Variants in LDB2 observed in about 807,000 individuals in gnomAD.
LDB2 encodes LIM domain-binding protein 2.
LDB2 carries 12 observed loss-of-function variants against 44.3 expected under a neutral mutation model. That is an observed-to-expected ratio of 0.27 (90% CI 0.17 to 0.44). LDB2 has a LOEUF of 0.44. Among genes scored for constraint, LDB2 ranks in the 20% least tolerant of loss-of-function variants. The pLI is 1.00. For missense variants in LDB2, 344 were observed against 473.5 expected (o/e 0.73, Z 2.54); for synonymous variants, 164 against 174.8 (o/e 0.94, Z 0.49).
At chr4:16,771,902 C>T (rs1465520011) in intron 1 of LDB2, among the ~76,000 whole-genome samples, 2 of 152,182 alleles carry the variant, frequency 1.3e-5, no homozygotes, top group Admixed American at 6.5e-5. Context: ...AGATTGTGAC[C>T]CTCCCAGCTA....
chr4:16,782,002 A>G (rs904348694), intron 1 of LDB2, among the ~76,000 whole-genome samples: 4 of 152,218 alleles, frequency 2.6e-5, no homozygotes, highest in Non-Finnish European at 5.9e-5. Flanking sequence ...AGACTCCAGA[A>G]CTGCGAGAGA....
chr4:16,848,267 T>C lies in LDB2; in HGVS notation c.132+50087A>G, dbSNP rs555504482. ...CATTCTAAATTAAGGCTATGTAACATGGTTCTGTACACAGATGAAAAGCTC... is the reference window on the plus strand; with the variant it reads ...CATTCTAAATTAAGGCTATGTAACACGGTTCTGTACACAGATGAAAAGCTC... On this transcript the variant is annotated intron_variant, in intron 1 of 7. Transcript: ENST00000304523. Among the ~76,000 whole-genome samples the C allele has an allele frequency of 2.0e-5, 3 of 152,348 alleles. No individual in the cohort carries two copies. In the East Asian group the frequency reaches 5.8e-4, roughly 29 times the overall value.
At chr4:16,682,181 C>A (rs1748111644) in intron 2 of LDB2, among the ~76,000 whole-genome samples, 1 of 152,104 alleles carries the variant, frequency 6.6e-6, no homozygotes, top group Non-Finnish European at 1.5e-5. Flanking sequence ...TGTTCTCACA[C>A]TGTAATAATT....
At chr4:16,774,153 C>CAAA (rs35866468) in intron 1 of LDB2, among the ~76,000 whole-genome samples, 10 of 56,040 alleles carry the variant, frequency 1.8e-4, no homozygotes, top group South Asian at 1.8e-3. Flanking sequence ...GACTCCGTCT[C>CAAA]AAAAAAAAAA....
chr4:16,559,922 C>T (rs1378789244), intron 5 of LDB2, among the ~76,000 whole-genome samples: 1 of 152,182 alleles, frequency 6.6e-6, no homozygotes, highest in Non-Finnish European at 1.5e-5. Flanking sequence ...TCACTCAAAA[C>T]CGCTCAACTA....
chr4:16,837,345 A>G (rs540352381), intron 1 of LDB2, among the ~76,000 whole-genome samples: 1 of 152,332 alleles, frequency 6.6e-6, no homozygotes, highest in African/African-American at 2.4e-5. Flanking sequence ...GACACATATT[A>G]GAGACTAAAT....
Position 16,612,740 on chromosome 4 carries a change from C to T in LDB2, c.236-16865G>A, listed in dbSNP as rs922415198. Among the ~76,000 whole-genome samples, 4 of 152,092 alleles carry T rather than the reference C, an allele frequency of 2.6e-5. No individual in the cohort carries two copies. In the South Asian group the frequency reaches 8.3e-4, roughly 32 times the overall value. The stretch of plus-strand genomic sequence containing the variant: ...CCTACCAAACAAAAAAGCCCAGGAC[C>T]GGACGGATTCACAGCTGAATTGTAC... On this transcript the variant is annotated intron_variant, in intron 2 of 7. Coordinates refer to ENST00000304523, the MANE Select transcript of LDB2 (RefSeq NM_001290.5).
intron 2 of LDB2, among the ~76,000 whole-genome samples, chr4:16,629,832 A>G (rs531357751): frequency 6.6e-5 from 10 of 152,132 alleles, no homozygotes; most frequent in African/African-American, 2.2e-4. Context: ...GGAAGAAAGG[A>G]TATCAGTGAT....
chr4:16,520,177 C>T (rs1258634102), intron 5 of LDB2, among the ~76,000 whole-genome samples: 5 of 151,896 alleles, frequency 3.3e-5, no homozygotes, highest in African/African-American at 9.7e-5. Flanking sequence ...TGGCTAAATC[C>T]GTACCAGAAA....
chr4:16,596,661 A>ATC lies in LDB2; in HGVS notation c.236-788_236-787dup, dbSNP rs1178681749. Among the ~76,000 whole-genome samples the ATC allele has an allele frequency of 3.3e-5, 5 of 152,226 alleles. No homozygotes were observed. In the East Asian group the frequency reaches 9.7e-4, roughly 29 times the overall value. On this transcript the variant is annotated intron_variant, in intron 2 of 7. Transcript: ENST00000304523. ...CTATCTGCTTTTGGAGCTGTGTAAG[A>ATC]TCTCTCTCTAGAATAAAAGGCTAAT...
chr4:16,516,348 A>T (rs1038721850), intron 5 of LDB2, among the ~76,000 whole-genome samples: 1 of 152,260 alleles, frequency 6.6e-6, no homozygotes, highest in Non-Finnish European at 1.5e-5. Context: ...ATTAGCAAGC[A>T]TGCATAGGTT....
chr4:16,732,849 G>A (rs906891783), intron 2 of LDB2, among the ~76,000 whole-genome samples: 2 of 152,150 alleles, frequency 1.3e-5, no homozygotes, highest in African/African-American at 4.8e-5. Flanking sequence ...AGTTAAAAAT[G>A]AACACTCTAC....
intron 1 of LDB2, chr4:16,759,483 A>G (rs940229068): frequency 2.1e-5 from 10 of 480,444 alleles, no homozygotes; most frequent in Non-Finnish European, 2.6e-5. Flanking sequence ...CCAATCGAAT[A>G]AAAATTAATT....
At chr4:16,824,579 T>C (rs1782705908) in intron 1 of LDB2, among the ~76,000 whole-genome samples, 1 of 152,248 alleles carries the variant, frequency 6.6e-6, no homozygotes, top group African/African-American at 2.4e-5. Context: ...CTTAAGTGTC[T>C]TTGTCCAAGA....
At chr4:16,783,760 T>A (rs1258633551) in intron 1 of LDB2, among the ~76,000 whole-genome samples, 1 of 152,252 alleles carries the variant, frequency 6.6e-6, no homozygotes, top group Non-Finnish European at 1.5e-5. Flanking sequence ...GCCCCTTGAT[T>A]GGAATTCTAT....
intron 2 of LDB2, among the ~76,000 whole-genome samples, chr4:16,675,458 C>G (rs1441419161): frequency 6.6e-6 from 1 of 151,942 alleles, no homozygotes; most frequent in Non-Finnish European, 1.5e-5. Flanking sequence ...ATGCCAGCCA[C>G]TTTTATTTAA....
At chr4:16,525,612 C>T (rs1026122490) in intron 5 of LDB2, among the ~76,000 whole-genome samples, 7 of 152,150 alleles carry the variant, frequency 4.6e-5, no homozygotes, top group East Asian at 3.9e-4. Flanking sequence ...ATGTGTACTA[C>T]GTGCTCTTTA....
chr4:16,819,543 A>G (rs1781582799), intron 1 of LDB2, among the ~76,000 whole-genome samples: 1 of 151,068 alleles, frequency 6.6e-6, no homozygotes, highest in Admixed American at 6.6e-5. Context: ...CATTTCAAGC[A>G]GTATTTTTTT....
chr4:16,700,653 G>A (rs1753229762), intron 2 of LDB2, among the ~76,000 whole-genome samples: 1 of 152,286 alleles, frequency 6.6e-6, no homozygotes, highest in South Asian at 2.1e-4. Context: ...ACCCTGTGGT[G>A]AGAAAGCCAT....
Sources: gnomAD v4.1 joint callset for allele counts (sites outside exome capture counted in the v4.1 genomes callset) on GRCh38, gnomAD v4.1.1 for gene constraint, MANE v1.5 for transcripts, NCBI Gene and HGNC (gene_info 2026-07-23, HGNC 2026-07-21) for gene names.